The following CR1 variants were observed in gnomAD, a reference collection of about 807,000 sequenced individuals.
The protein encoded by CR1 is complement receptor type 1.
Under a neutral mutation model 187.3 loss-of-function variants are expected in CR1, and 116 were observed. The observed-to-expected ratio is 0.62, with a 90% CI of 0.53 to 0.72. The LOEUF is 0.72. CR1 is among the 30% of genes least tolerant of loss of function. The pLI is 0.00. For synonymous variants in CR1, 576 were observed against 747.1 expected (o/e 0.77, Z 3.73); for missense variants, 1,731 against 2,110.7 (o/e 0.82, Z 3.52).
intron 4 of CR1, among the ~76,000 whole-genome samples, chr1:207,520,697 C>A (rs1223099264): frequency 1.3e-5 from 2 of 152,132 alleles, no homozygotes; most frequent in Non-Finnish European, 2.9e-5. Flanking sequence ...GGTGTGTTTC[C>A]TTCTTATTGC....
At chr1:207,623,835 G>A (rs1662397776) in intron 45 of CR1, among the ~76,000 whole-genome samples, 1 of 151,274 alleles carries the variant, frequency 6.6e-6, no homozygotes, top group Non-Finnish European at 1.5e-5. Context: ...GCACACATAG[G>A]CTGCCAGTGG....
chr1:207,579,147 T>A (rs552918282), intron 29 of CR1, among the ~76,000 whole-genome samples: 11 of 152,372 alleles, frequency 7.2e-5, no homozygotes, highest in Admixed American at 4.6e-4. Flanking sequence ...AGGCAGATGT[T>A]GAGTCAAATA....
intron 1 of CR1, among the ~76,000 whole-genome samples, chr1:207,497,494 C>T (rs1037074345): frequency 3.9e-5 from 6 of 152,132 alleles, no homozygotes; most frequent in African/African-American, 7.2e-5. Context: ...TTTGAGTGTT[C>T]CTTCTTCTCT....
rs1201946731 is a variant in CR1, at chr1:207,588,752, G to A, written c.5788G>A (p.Val1930Ile). ...CACAGATACACAGTTTGGATCAACAGTTAATTATTCTTGTAATGAAGGGTG... is the reference window on the plus strand; with the variant it reads ...CACAGATACACAGTTTGGATCAACAATTAATTATTCTTGTAATGAAGGGTG... ...INTDTQFGSTVNYSCNEGFRL... is the reference protein window; with the variant it reads ...INTDTQFGSTINYSCNEGFRL... Residue 1930 changes from valine to isoleucine, a missense_variant, in exon 35 of 47, where the codon GTT becomes ATT. By Grantham distance (29) the Val-to-Ile change is conservative. This residue lies in a region of CR1 where 1,312 missense variants were observed against 1,379.6 expected (regional missense o/e 0.95). Coordinates refer to ENST00000367049, the MANE Select transcript of CR1 (RefSeq NM_000651.6). 2.5e-6 allele frequency: 4 copies of A among 1,610,412 alleles called. No individual in the cohort carries two copies. In the East Asian group the frequency reaches 6.7e-5, roughly 27 times the overall value.
chr1:207,556,662 T>TATAG (rs1660355507), intron 19 of CR1, among the ~76,000 whole-genome samples: 1 of 65,334 alleles, frequency 1.5e-5, no homozygotes, highest in Non-Finnish European at 3.3e-5. Flanking sequence ...TATATATATA[T>TATAG]ATATATATAT....
intron 45 of CR1, among the ~76,000 whole-genome samples, chr1:207,628,239 T>C (rs1662538387): frequency 6.6e-6 from 1 of 152,152 alleles, no homozygotes; most frequent in South Asian, 2.1e-4. Context: ...CTATTACTAC[T>C]ATCTCCTGCC....
rs1287306329 is a variant in CR1 at position 207,575,122 on chromosome 1, C to T, written c.4452-473C>T. Among the ~76,000 whole-genome samples, 184 of 151,834 alleles carry T rather than the reference C, an allele frequency of 1.2e-3. 1 individual carries two copies. Among genetic ancestry groups the T allele is most frequent in the Non-Finnish European group, 1.2e-4 (8 of 67,930 alleles). On this transcript the variant is annotated intron_variant, in intron 27 of 46. Coordinates refer to ENST00000367049, the MANE Select transcript of CR1 (RefSeq NM_000651.6). ...TTGGTTTAATCCTCTTGTTGAAAAA[C>T]AAAGTCTCTTAGACAAGATCAAAAG...
Position 207,580,417 on chromosome 1 carries a change from G to T in CR1, c.5113+1G>T, listed in dbSNP as rs1246392541. 2 of 1,613,224 alleles carry T rather than the reference G, an allele frequency of 1.2e-6. No individual in the cohort carries two copies. The highest frequency in any genetic ancestry group is 1.7e-6 in the Non-Finnish European group (2 of 1,179,584). ...AGCCCTGAAGCCCCGAGATGTGCAGGTGCCTCAACTCTCTGGCTTCCAGAT... is the reference window on the plus strand; with the variant it reads ...AGCCCTGAAGCCCCGAGATGTGCAGTTGCCTCAACTCTCTGGCTTCCAGAT... On this transcript the variant is annotated splice_donor_variant, in intron 30 of 46. Coordinates refer to ENST00000367049, the MANE Select transcript of CR1 (RefSeq NM_000651.6). LOFTEE classifies it high-confidence loss of function.
intron 1 of CR1, 51 bp downstream of exon 1, chr1:207,496,439 G>A (rs1659087939): frequency 1.4e-5 from 22 of 1,546,712 alleles, no homozygotes; most frequent in Non-Finnish European, 1.7e-5. Context: ...AGGAACCCGG[G>A]GCCCCGCAGA....
In CR1 at chr1:207,578,191, A is replaced by G. The variant is rs1341035454; in HGVS notation, c.4924A>G (p.Ser1642Gly). 6 of 1,611,844 alleles carry G rather than the reference A, an allele frequency of 3.7e-6. No individual in the cohort carries two copies. In the South Asian group the frequency reaches 6.6e-5, roughly 18 times the overall value. Residue 1642 changes from serine (S) to glycine (G), a missense_variant, in exon 29 of 47, where the codon AGC (serine) becomes GGC (glycine). Ser to Gly is a moderately conservative substitution (Grantham distance 56). Coordinates refer to ENST00000367049, the MANE Select transcript of CR1 (RefSeq NM_000651.6). ...GAACAAATGGGAGCCAGAGTTACCA[A>G]GCTGCTCCAGGGGTGAGTCTGACTG... ...ALNKWEPELP[S>G]CSRVCQPPPE... is the part of the protein sequence containing the mutation.
At chr1:207,584,544 A>C in intron 32 of CR1, 105 bp from the exon 33 acceptor site, 1 of 1,374,350 alleles carries the variant, frequency 7.3e-7, no homozygotes, top group Non-Finnish European at 9.9e-7. Context: ...TAAGAAGAAA[A>C]GTACGCTTAA....
Position 207,617,591 on chromosome 1 carries a change from A to G in CR1, c.6890-480A>G, listed in dbSNP as rs1363108497. On this transcript the variant is annotated intron_variant, in intron 41 of 46. Coordinates refer to ENST00000367049, the MANE Select transcript of CR1 (RefSeq NM_000651.6). ...TATGTGTGTGTGTATATATATATAT[A>G]TATATATATATATATATATATAGAG... 2.7e-3 allele frequency among the ~76,000 whole-genome samples: 109 copies of G among 40,022 alleles called. 1 individual carries two copies. Among genetic ancestry groups the G allele is most frequent in the South Asian group, 6.2e-3 (5 of 810 alleles). 26.3% of individuals were successfully genotyped at this position (40,022 alleles called of 152,430 possible).
rs890893852 is a variant in CR1 at position 207,565,758 on chromosome 1, T to C, written c.3867-80T>C. Reference sequence around the variant, plus strand: ...GCCTCAGATCCTCAAAATCCTGAAATTGGGGCTGGGCCTTAGATTGTGAAC... The same window carrying C: ...GCCTCAGATCCTCAAAATCCTGAAACTGGGGCTGGGCCTTAGATTGTGAAC... On this transcript the variant is annotated intron_variant, in intron 23 of 46. Transcript: ENST00000367049. 13 of 1,586,594 alleles carry C rather than the reference T, an allele frequency of 8.2e-6. 1 individual carries two copies. The highest frequency in any genetic ancestry group is 3.5e-4 in the Middle Eastern group (2 of 5,698).
chr1:207,515,448 C>T (rs948459984), intron 4 of CR1, among the ~76,000 whole-genome samples: 5 of 151,790 alleles, frequency 3.3e-5, no homozygotes, highest in African/African-American at 9.7e-5. Context: ...CAGAAGCCTT[C>T]CCGATGCCCT....
intron 40 of CR1, among the ~76,000 whole-genome samples, chr1:207,616,321 C>A (rs770970737): frequency 9.2e-5 from 14 of 152,082 alleles, no homozygotes; most frequent in Non-Finnish European, 1.6e-4. Context: ...AATTACTTTC[C>A]AAATTCATTG....
chr1:207,590,007 A>G (rs1661225233), intron 35 of CR1, among the ~76,000 whole-genome samples: 2 of 144,898 alleles, frequency 1.4e-5, no homozygotes, highest in African/African-American at 5.8e-5. Context: ...AGTGACGGGG[A>G]GAATGGAACC....
chr1:207,615,487 C>T (rs56400731), intron 40 of CR1, among the ~76,000 whole-genome samples: 2 of 152,054 alleles, frequency 1.3e-5, no homozygotes, highest in African/African-American at 2.4e-5. Flanking sequence ...CCAAACCATC[C>T]GCTTAAATAA....
At chr1:207,617,511 G>A (rs866765678) in intron 41 of CR1, among the ~76,000 whole-genome samples, 2,736 of 52,822 alleles carry the variant, frequency 0.052, 279 homozygotes, top group African/African-American at 0.17. Flanking sequence ...ATATATATGT[G>A]TGTGTGTGTG....
At chr1:207,573,083 T>TG (rs910428324) in intron 27 of CR1, among the ~76,000 whole-genome samples, 2 of 145,818 alleles carry the variant, frequency 1.4e-5, no homozygotes, top group Non-Finnish European at 3.1e-5. Context: ...TCAGCATACT[T>TG]GGGGGGAGAC....
Sources: gnomAD v4.1 joint callset for allele counts (sites outside exome capture counted in the v4.1 genomes callset) on GRCh38, gnomAD v4.1.1 for gene constraint, gnomAD v4.1.1 regional missense constraint, MANE v1.5 for transcripts, NCBI Gene and HGNC (gene_info 2026-07-23, HGNC 2026-07-21) for gene names.